The following COL4A6 variants were observed in gnomAD, a reference collection of about 807,000 sequenced individuals.
COL4A6 encodes collagen type IV alpha 6 chain.
Under a neutral mutation model 126.7 loss-of-function variants are expected in COL4A6, and 59 were observed. The ratio of observed to expected loss-of-function variants is 0.47; its 90% confidence interval spans 0.38 to 0.58. The LOEUF (loss-of-function observed/expected upper bound fraction) is 0.58. Among genes scored for constraint, COL4A6 ranks in the 20% least tolerant of loss-of-function variants. The pLI is 0.00. For synonymous variants in COL4A6, 547 were observed against 496.6 expected, an observed-to-expected ratio of 1.10 and a Z score of -1.35; for missense variants, 1,285 against 1,337.3, an observed-to-expected ratio of 0.96 and a Z score of 0.61.
intron 2 of COL4A6, among the ~76,000 whole-genome samples, chrX:108,435,586 TGC>T (rs2064251502): frequency 1.8e-5 from 2 of 112,218 alleles, no homozygotes; most frequent in Non-Finnish European, 1.9e-5. Flanking sequence ...TTCTATTTTA[TGC>T]AGATAAATTG....
intron 3 of COL4A6, among the ~76,000 whole-genome samples, chrX:108,260,896 C>A (rs191140423): frequency 1.8e-5 from 2 of 109,912 alleles, no homozygotes; most frequent in East Asian, 5.9e-4. Flanking sequence ...GACTTGCCAC[C>A]CCTTTCCACT....
chrX:108,306,274 A>G (rs947742126), intron 3 of COL4A6, among the ~76,000 whole-genome samples: 3 of 112,486 alleles, frequency 2.7e-5, no homozygotes, highest in Non-Finnish European at 3.8e-5. Flanking sequence ...GGGCCAGCCC[A>G]CAAATGTCTG....
chrX:108,244,963 G>T (rs2036676651), intron 3 of COL4A6, among the ~76,000 whole-genome samples: 1 of 111,893 alleles, frequency 8.9e-6, no homozygotes. Context: ...CAAGTCATGT[G>T]CTACAAAAGG....
chrX:108,161,661 C>T lies in COL4A6; in HGVS notation c.4291G>A (p.Asp1431Asn). The change falls in exon 42 of 45, where the codon GAT becomes AAT. Residue 1431 changes from aspartate to asparagine, a missense_variant. Asp to Asn is a conservative substitution (Grantham distance 23). Coordinates refer to ENST00000334504, the MANE Select transcript of COL4A6 (RefSeq NM_033641.4). ...GLPGPPGALG[D>N]PGLPGLQGPP... is the part of the protein sequence containing the mutation. Reference sequence around the variant, plus strand: ...CCTTGCAGTCCAGGCAGACCAGGATCACCAAGAGCCCCAGGTGGGCCTGGG... The same window carrying T: ...CCTTGCAGTCCAGGCAGACCAGGATTACCAAGAGCCCCAGGTGGGCCTGGG... 8.5e-7 allele frequency: 1 copy of T among 1,179,330 alleles called. No individual in the cohort carries two copies. The highest frequency in any genetic ancestry group is 1.1e-6 in the Non-Finnish European group (1 of 879,325).
At chrX:108,327,205 T>C (rs935192391) in intron 2 of COL4A6, among the ~76,000 whole-genome samples, 1 of 110,676 alleles carries the variant, frequency 9.0e-6, no homozygotes, top group Admixed American at 9.6e-5. Flanking sequence ...ACAAATCCTA[T>C]TGAAAATTGC....
intron 3 of COL4A6, among the ~76,000 whole-genome samples, chrX:108,296,452 C>T (rs1381888513): frequency 9.0e-6 from 1 of 111,666 alleles, no homozygotes; most frequent in African/African-American, 3.3e-5. Flanking sequence ...CTCTAGCCAC[C>T]CACCTCTAAC....
chrX:108,362,015 G>A lies in COL4A6; in HGVS notation c.64-51187C>T, dbSNP rs192166431. Among the ~76,000 whole-genome samples the A allele has an allele frequency of 1.5e-4, 17 of 111,255 alleles. No homozygotes were observed. The East Asian group carries it at 4.0e-3, about 26-fold the overall frequency. ...TAAGTAGCTATATGAACTTGGACAA[G>A]TCATTTGGCATCTCTAGATCTCAAT... On this transcript the variant is annotated intron_variant, in intron 2 of 44. Coordinates refer to ENST00000334504, the MANE Select transcript of COL4A6 (RefSeq NM_033641.4).
intron 3 of COL4A6, among the ~76,000 whole-genome samples, chrX:108,285,920 C>G (rs1167586285): frequency 1.8e-5 from 2 of 111,612 alleles, no homozygotes; most frequent in Non-Finnish European, 3.8e-5. Flanking sequence ...AGGGTTGTAT[C>G]TATTATGAGC....
chrX:108,171,539 A>AT lies in COL4A6; in HGVS notation c.3203-79dup, dbSNP rs1038562112. ...TGCACCACTGAGATCTTTTGAACAC[A>AT]TTTTTTTTTTCAGATTCAGTGTAGC... is the stretch of plus-strand genomic sequence containing the variant. On this transcript the variant is annotated intron_variant, in intron 32 of 44. Transcript: ENST00000334504. 0.027 allele frequency: 20,759 copies of AT among 781,982 alleles called. 100 individuals carry two copies. Among genetic ancestry groups the AT allele is most frequent in the Middle Eastern group, 0.039 (126 of 3,265 alleles). 64.4% of individuals were successfully genotyped at this position (781,982 alleles called of 1,213,427 possible).
intron 2 of COL4A6, among the ~76,000 whole-genome samples, chrX:108,433,422 G>A (rs761549900): frequency 1.4e-4 from 16 of 111,680 alleles, no homozygotes; most frequent in Non-Finnish European, 3.0e-4. Context: ...GTTATCCCAC[G>A]ATGTTCTTTT....
chrX:108,324,721 A>G (rs2039111891), intron 2 of COL4A6, among the ~76,000 whole-genome samples: 1 of 112,215 alleles, frequency 8.9e-6, no homozygotes. Flanking sequence ...CAAGGCTTAC[A>G]TGTGTTGATA....
chrX:108,193,551 T>C, intron 17 of COL4A6, 77 bp downstream of exon 17: 1 of 845,359 alleles, frequency 1.2e-6, no homozygotes, highest in Non-Finnish European at 1.7e-6. Flanking sequence ...TAACAAAGTA[T>C]CCTTTTAATA....
chrX:108,282,035 T>TA (rs2037850407), intron 3 of COL4A6, among the ~76,000 whole-genome samples: 1 of 110,941 alleles, frequency 9.0e-6, no homozygotes, highest in Admixed American at 9.6e-5. Context: ...CCTAAAACCA[T>TA]AAAAACCCTA....
At chrX:108,204,598 G>C (rs756135606) in intron 11 of COL4A6, 186 bp from the exon 12 acceptor site, 77 of 524,331 alleles carry the variant, frequency 1.5e-4, no homozygotes, top group Non-Finnish European at 2.3e-4. Context: ...AGCCCGACCA[G>C]TGAATTTTGT....
intron 14 of COL4A6, among the ~76,000 whole-genome samples, chrX:108,195,953 C>T (rs766974880): frequency 9.8e-5 from 11 of 111,966 alleles, no homozygotes; most frequent in Non-Finnish European, 1.9e-4. Flanking sequence ...GCTTGGCCCA[C>T]TGCTTCTAGC....
chrX:108,358,031 A>G lies in COL4A6; in HGVS notation c.64-47203T>C, dbSNP rs779498172. 1.3e-4 allele frequency among the ~76,000 whole-genome samples: 14 copies of G among 111,748 alleles called. No individual in the cohort carries two copies. The East Asian group carries it at 4.0e-3, about 32-fold the overall frequency. Reference sequence around the variant, plus strand: ...AGCAGATTCAAGGTTATTCTTGTATAATATCATTAGCCCTCAGGCTTCCCA... The same window carrying G: ...AGCAGATTCAAGGTTATTCTTGTATGATATCATTAGCCCTCAGGCTTCCCA... On this transcript the variant is annotated intron_variant, in intron 2 of 44. Coordinates refer to ENST00000334504, the MANE Select transcript of COL4A6 (RefSeq NM_033641.4).
At chrX:108,277,413 G>A (rs1045089114) in intron 3 of COL4A6, among the ~76,000 whole-genome samples, 22 of 112,307 alleles carry the variant, frequency 2.0e-4, no homozygotes, top group South Asian at 3.7e-4. Context: ...TGATCAAACC[G>A]CAAGGTGGCA....
intron 3 of COL4A6, among the ~76,000 whole-genome samples, chrX:108,287,684 CAT>C (rs763533464): frequency 2.3e-4 from 26 of 111,971 alleles, no homozygotes; most frequent in Admixed American, 1.2e-3. Flanking sequence ...TCCTTACACA[CAT>C]GTGTTGCTCA....
intron 16 of COL4A6, 113 bp from the exon 17 acceptor site, chrX:108,193,810 C>T (rs2035131392): frequency 6.9e-6 from 4 of 575,913 alleles, no homozygotes; most frequent in Non-Finnish European, 1.1e-5. Context: ...TTCTATAACC[C>T]CAGATTTTCA....
Sources: gnomAD v4.1 joint callset for allele counts (sites outside exome capture counted in the v4.1 genomes callset) on GRCh38, gnomAD v4.1.1 for gene constraint, MANE v1.5 for transcripts, NCBI Gene and HGNC (gene_info 2026-07-23, HGNC 2026-07-21) for gene names.